Variants in NIPAL1 observed in about 807,000 individuals in gnomAD.
NIPAL1 encodes the protein NIPA like domain containing 1, also known as magnesium transporter NIPA3.
NIPAL1 carries 35 observed loss-of-function variants against 37.7 expected under a neutral mutation model. That is an observed-to-expected ratio of 0.93 (90% confidence interval 0.71 to 1.23). NIPAL1 has a LOEUF of 1.23. NIPAL1 is among the 50% of genes most tolerant of loss of function. NIPAL1 has a pLI of 0.00. For missense variants in NIPAL1, 412 were observed against 473.9 expected (o/e 0.87, Z 1.21); for synonymous variants, 162 against 183.0 (o/e 0.89, Z 0.93).
At chr4:48,033,254 C>T (rs547431321) in intron 4 of NIPAL1, among the ~76,000 whole-genome samples, 171 bp downstream of exon 4, 3 of 152,238 alleles carry the variant, frequency 2.0e-5, no homozygotes, top group Admixed American at 2.0e-4. Context: ...TCCTGGGAAG[C>T]TTTGGTCAAG....
chr4:48,035,009 T>C lies in NIPAL1; in HGVS notation c.590T>C (p.Leu197Ser), dbSNP rs1036785617. 3 of 1,613,972 alleles carry C rather than the reference T, an allele frequency of 1.9e-6. No individual in the cohort carries two copies. Among genetic ancestry groups the C allele is most frequent in the African/African-American group, 1.3e-5 (1 of 74,950 alleles). The change falls in exon 5 of 6, where the codon TTG becomes TCG. Residue 197 changes from leucine to serine, a missense_variant. Coordinates refer to ENST00000295461, the MANE Select transcript of NIPAL1 (RefSeq NM_207330.3). The stretch of plus-strand genomic sequence containing the variant: ...CCACAAGAAGAGGAAGTCACATCTT[T>C]GCATGAAATGGAAATGAAATTGAGA... Reference protein sequence around the residue: ...HAPQEEEVTSLHEMEMKLRDP... With the variant: ...HAPQEEEVTSSHEMEMKLRDP...
chr4:48,021,894 T>G (rs1355775480), intron 1 of NIPAL1, among the ~76,000 whole-genome samples: 1 of 150,962 alleles, frequency 6.6e-6, no homozygotes, highest in African/African-American at 2.4e-5. Context: ...GGTGTGTATA[T>G]ATATATATAT....
chr4:48,032,959 A>G (rs1560325096), intron 3 of NIPAL1, 34 bp from the exon 4 acceptor site: 1 of 1,513,916 alleles, frequency 6.6e-7, no homozygotes, highest in Admixed American at 1.7e-5. Context: ...AAGTAAGCCC[A>G]TTTTTTATAT....
intron 4 of NIPAL1, among the ~76,000 whole-genome samples, chr4:48,033,823 C>T (rs1041437727): frequency 6.6e-6 from 1 of 152,124 alleles, no homozygotes. Flanking sequence ...TAGTATAAAA[C>T]CTATGATTGA....
intron 1 of NIPAL1, among the ~76,000 whole-genome samples, chr4:48,018,661 T>C (rs1029353813): frequency 1.3e-5 from 2 of 152,146 alleles, no homozygotes; most frequent in Non-Finnish European, 2.9e-5. Flanking sequence ...GACTCAATTT[T>C]TCACTTGTTC....
rs192002758 is a variant in NIPAL1, at chr4:48,024,262, A to G, written c.47-806A>G. ...CCAAAGTGCTGGGATTACAGCCATA[A>G]TGCTCAGCCAATTTCTTTTTTCTTT... On this transcript the variant is annotated intron_variant, in intron 1 of 5. Transcript: ENST00000295461. Among the ~76,000 whole-genome samples the G allele has an allele frequency of 2.5e-3, 385 of 151,944 alleles. 3 individuals are homozygous for G. Among genetic ancestry groups the G allele is most frequent in the Admixed American group, 0.023 (353 of 15,260 alleles).
At chr4:48,018,396 A>G (rs1715498107) in intron 1 of NIPAL1, among the ~76,000 whole-genome samples, 1 of 152,226 alleles carries the variant, frequency 6.6e-6, no homozygotes, top group African/African-American at 2.4e-5. Context: ...TCCAGGCTTA[A>G]TACCTGTGAT....
At chr4:48,028,070 G>A (rs1486082139) in intron 2 of NIPAL1, among the ~76,000 whole-genome samples, 1 of 152,138 alleles carries the variant, frequency 6.6e-6, no homozygotes, top group Non-Finnish European at 1.5e-5. Context: ...AAAAACTTAT[G>A]ATTTGTGGAA....
rs1319461105 is a variant in NIPAL1, at chr4:48,036,748, C to CG, written c.*577dup. 1 of 153,076 alleles carries CG rather than the reference C, an allele frequency of 6.5e-6. No homozygotes were observed. The highest frequency in any genetic ancestry group is 1.9e-4 in the East Asian group (1 of 5,204). 9.5% of individuals were successfully genotyped at this position (153,076 alleles called of 1,614,324 possible). On this transcript the variant is annotated 3_prime_UTR_variant, in exon 6 of 6. Transcript: ENST00000295461. Reference sequence around the variant, plus strand: ...TTCGAGACCACCTTGGGCCACAAGGCGAGACCCTGTCTCTACAAAAAATAC... The same window carrying CG: ...TTCGAGACCACCTTGGGCCACAAGGCGGAGACCCTGTCTCTACAAAAAATAC...
rs1392126010 is a variant in NIPAL1 at position 48,039,909 on chromosome 4, A to C, written c.*3737A>C. On this transcript the variant is annotated 3_prime_UTR_variant, in exon 6 of 6. Coordinates refer to ENST00000295461, the MANE Select transcript of NIPAL1 (RefSeq NM_207330.3). ...TAATGCAAGTGAAAGTGAATTCATC[A>C]TACTATCTCAACACCAATACAAAAT... 3 of 152,224 alleles carry C rather than the reference A, an allele frequency of 2.0e-5. No homozygotes were observed. Among genetic ancestry groups the C allele is most frequent in the African/African-American group, 7.2e-5 (3 of 41,460 alleles). The allele number at this position is 152,224 out of a possible 1,614,324, so 9.4% of individuals were successfully genotyped here. A position where few individuals can be genotyped will look rare whatever the true frequency, so the allele number is the denominator to read the frequency against.
chr4:48,017,366 G>T (rs1715448867), intron 1 of NIPAL1, among the ~76,000 whole-genome samples: 1 of 152,224 alleles, frequency 6.6e-6, no homozygotes, highest in Non-Finnish European at 1.5e-5. Flanking sequence ...AGCACCGCGA[G>T]AGGTTGGGCG....
At chr4:48,034,724 G>A (rs1235945007) in intron 4 of NIPAL1, among the ~76,000 whole-genome samples, 157 bp from the exon 5 acceptor site, 1 of 152,148 alleles carries the variant, frequency 6.6e-6, no homozygotes, top group East Asian at 1.9e-4. Flanking sequence ...CATCAGTTCT[G>A]AGTTTCAAAC....
chr4:48,030,115 T>A lies in NIPAL1; in HGVS notation c.314-5T>A, dbSNP rs1715787303. 6.3e-7 allele frequency: 1 copy of A among 1,594,458 alleles called. No homozygotes were observed. The highest frequency in any genetic ancestry group is 8.6e-7 in the Non-Finnish European group (1 of 1,162,634). On this transcript the variant is annotated splice_polypyrimidine_tract_variant and splice_region_variant and intron_variant, in intron 2 of 5. Transcript: ENST00000295461. Reference sequence around the variant, plus strand: ...TTTTGTTAATTTTTACTTTTTGTATTTTAGGACAAGGTGGACATTCTTACC... The same window carrying A: ...TTTTGTTAATTTTTACTTTTTGTATATTAGGACAAGGTGGACATTCTTACC...
chr4:48,029,085 G>A (rs1436226002), intron 2 of NIPAL1, among the ~76,000 whole-genome samples: 1 of 152,100 alleles, frequency 6.6e-6, no homozygotes, highest in Non-Finnish European at 1.5e-5. Flanking sequence ...TTAAGGAAAA[G>A]AAATCATTTT....
At chr4:48,028,986 A>G (rs1186062313) in intron 2 of NIPAL1, among the ~76,000 whole-genome samples, 1 of 152,200 alleles carries the variant, frequency 6.6e-6, no homozygotes, top group Non-Finnish European at 1.5e-5. Context: ...AATTAGTACA[A>G]CCACTACGGA....
Position 48,040,091 on chromosome 4 carries a change from G to A in NIPAL1, c.*3919G>A, listed in dbSNP as rs2109376411. The A allele has an allele frequency of 6.6e-6, 1 of 152,136 alleles. No homozygotes were observed. Among genetic ancestry groups the A allele is most frequent in the East Asian group, 1.9e-4 (1 of 5,186 alleles). 9.4% of individuals were successfully genotyped at this position (152,136 alleles called of 1,614,324 possible). On this transcript the variant is annotated 3_prime_UTR_variant, in exon 6 of 6. Transcript: ENST00000295461. ...TCATGAAGCCTTATATTTTGCAAGT[G>A]TTTTTACTGTTGATTTTAGAAAGTT...
At chr4:48,033,688 A>G (rs1241670999) in intron 4 of NIPAL1, among the ~76,000 whole-genome samples, 2 of 152,216 alleles carry the variant, frequency 1.3e-5, no homozygotes, top group Non-Finnish European at 2.9e-5. Context: ...TAATTTTCCT[A>G]TTTCATGGAA....
chr4:48,029,424 G>T (rs1308048233), intron 2 of NIPAL1, among the ~76,000 whole-genome samples: 1 of 152,124 alleles, frequency 6.6e-6, no homozygotes, highest in Admixed American at 6.6e-5. Context: ...GATTCCAAAA[G>T]GTGGGAGGGT....
chr4:48,030,215 A>C, intron 3 of NIPAL1, 39 bp downstream of exon 3: 2 of 1,195,868 alleles, frequency 1.7e-6, no homozygotes, highest in Non-Finnish European at 2.5e-6. Context: ...TATTTGTAAG[A>C]TAGTAAATAG....
Sources: gnomAD v4.1 joint callset for allele counts (sites outside exome capture counted in the v4.1 genomes callset) on GRCh38, gnomAD v4.1.1 for gene constraint, MANE v1.5 for transcripts, NCBI Gene and HGNC (gene_info 2026-07-23, HGNC 2026-07-21) for gene names.